EBF1: variants seen among roughly 807,000 people sequenced by gnomAD.
The protein encoded by EBF1 is transcription factor COE1.
A neutral mutation model predicts 68.4 loss-of-function variants in EBF1; 10 were observed. The observed-to-expected ratio is 0.15, with a 90% CI of 0.09 to 0.25. EBF1 has a LOEUF of 0.25. EBF1 is among the 10% of genes least tolerant of loss of function. The pLI is 1.00. For synonymous variants in EBF1, 298 were observed against 299.8 expected, an observed-to-expected ratio of 0.99 and a Z score of 0.06; for missense variants, 509 against 794.4, an observed-to-expected ratio of 0.64 and a Z score of 4.32.
At chr5:158,735,799 C>T (rs1289240054) in intron 10 of EBF1, among the ~76,000 whole-genome samples, 1 of 152,176 alleles carries the variant, frequency 6.6e-6, no homozygotes, top group African/African-American at 2.4e-5. Flanking sequence ...TCTCAGAGTC[C>T]CCTAAAGGAA....
chr5:158,949,358 G>C (rs1056942830), intron 6 of EBF1, among the ~76,000 whole-genome samples: 3 of 152,160 alleles, frequency 2.0e-5, no homozygotes, highest in Admixed American at 6.5e-5. Context: ...GCAAGGTGCA[G>C]TGGCTCACAT....
At chr5:158,937,653 C>T (rs745929637) in intron 6 of EBF1, among the ~76,000 whole-genome samples, 1 of 152,162 alleles carries the variant, frequency 6.6e-6, no homozygotes, top group African/African-American at 2.4e-5. Flanking sequence ...GGGCTCTATT[C>T]GAGTGCGGAA....
At chr5:159,026,408 G>A (rs1258630420) in intron 6 of EBF1, among the ~76,000 whole-genome samples, 1 of 152,094 alleles carries the variant, frequency 6.6e-6, no homozygotes, top group African/African-American at 2.4e-5. Context: ...GACTACAGGA[G>A]AAGGAAGAGC....
intron 10 of EBF1, among the ~76,000 whole-genome samples, chr5:158,758,064 G>T (rs557717894): frequency 3.3e-5 from 5 of 152,146 alleles, no homozygotes; most frequent in Admixed American, 6.6e-5. Flanking sequence ...CATGTGCCAA[G>T]TACTTTACTC....
chr5:158,830,086 A>T (rs1787176421), intron 7 of EBF1, among the ~76,000 whole-genome samples: 1 of 152,196 alleles, frequency 6.6e-6, no homozygotes, highest in African/African-American at 2.4e-5. Flanking sequence ...AGAAAATGAT[A>T]AAAGGAGTCC....
intron 8 of EBF1, among the ~76,000 whole-genome samples, chr5:158,803,547 AT>A (rs1781014048): frequency 6.6e-6 from 1 of 151,974 alleles, no homozygotes; most frequent in African/African-American, 2.4e-5. Context: ...TTCTTTGTTT[AT>A]CCATTCTCCA....
chr5:158,741,932 A>G lies in EBF1; in HGVS notation c.1037-10775T>C, dbSNP rs190030860. 5.3e-5 allele frequency among the ~76,000 whole-genome samples: 8 copies of G among 152,306 alleles called. No individual in the cohort carries two copies. The East Asian group carries it at 9.6e-4, about 18-fold the overall frequency. ...TTAACCTATCCTTCACAACAACTCT[A>G]TAAGGAGGTACTATCATTATTCCCA... On this transcript the variant is annotated intron_variant, in intron 10 of 15. Transcript: ENST00000313708.
At chr5:158,933,369 C>T (rs1811316056) in intron 6 of EBF1, among the ~76,000 whole-genome samples, 1 of 152,178 alleles carries the variant, frequency 6.6e-6, no homozygotes, top group Non-Finnish European at 1.5e-5. Flanking sequence ...GAAAGAGGTG[C>T]ACAAAACAAG....
intron 6 of EBF1, among the ~76,000 whole-genome samples, chr5:158,949,270 G>A (rs980753826): frequency 2.6e-5 from 4 of 151,926 alleles, no homozygotes; most frequent in Admixed American, 1.3e-4. Context: ...TTTAATTTTC[G>A]AATTATCATA....
intron 6 of EBF1, among the ~76,000 whole-genome samples, chr5:158,938,653 C>A (rs573714618): frequency 2.3e-4 from 35 of 152,316 alleles, no homozygotes; most frequent in African/African-American, 8.2e-4. Flanking sequence ...CTTGCTGCAA[C>A]CTCACATGGC....
chr5:158,915,450 A>C (rs1430830796), intron 6 of EBF1, among the ~76,000 whole-genome samples: 2 of 152,278 alleles, frequency 1.3e-5, no homozygotes, highest in Non-Finnish European at 2.9e-5. Flanking sequence ...AATGCATCAC[A>C]GAAGTAGGAC....
intron 5 of EBF1, among the ~76,000 whole-genome samples, chr5:159,082,036 T>G (rs1417694388): frequency 7.2e-5 from 11 of 152,200 alleles, no homozygotes. Context: ...CAGTCCCTTA[T>G]CCAGCCCAGG....
chr5:158,879,637 C>G (rs1403147628), intron 6 of EBF1, among the ~76,000 whole-genome samples: 1 of 152,122 alleles, frequency 6.6e-6, no homozygotes, highest in Non-Finnish European at 1.5e-5. Context: ...CATGTCAGCA[C>G]ACCAACATGG....
At chr5:158,931,294 T>C (rs1810838620) in intron 6 of EBF1, among the ~76,000 whole-genome samples, 1 of 152,210 alleles carries the variant, frequency 6.6e-6, no homozygotes, top group South Asian at 2.1e-4. Flanking sequence ...CACACTTATT[T>C]ACTGACTACC....
At chr5:158,876,413 T>C (rs960457801) in intron 6 of EBF1, among the ~76,000 whole-genome samples, 6 of 152,164 alleles carry the variant, frequency 3.9e-5, no homozygotes, top group Admixed American at 1.3e-4. Flanking sequence ...AATTCTCTAT[T>C]TGAGTCTTGG....
intron 6 of EBF1, among the ~76,000 whole-genome samples, chr5:158,877,949 T>G (rs1392966907): frequency 6.6e-6 from 1 of 151,920 alleles, no homozygotes; most frequent in Non-Finnish European, 1.5e-5. Flanking sequence ...TGCCAACTCC[T>G]GAGTCACAAT....
chr5:158,988,418 G>A (rs1759575173), intron 6 of EBF1, among the ~76,000 whole-genome samples: 1 of 152,120 alleles, frequency 6.6e-6, no homozygotes, highest in Non-Finnish European at 1.5e-5. Context: ...GCAGCATCCT[G>A]AGCGACTACA....
At chr5:159,006,265 C>T (rs1763520097) in intron 6 of EBF1, among the ~76,000 whole-genome samples, 1 of 152,046 alleles carries the variant, frequency 6.6e-6, no homozygotes, top group South Asian at 2.1e-4. Flanking sequence ...AAAAGGAAGG[C>T]CAGCTCTTTG....
intron 6 of EBF1, among the ~76,000 whole-genome samples, chr5:158,977,774 G>T (rs1212645720): frequency 1.3e-5 from 2 of 152,126 alleles, no homozygotes; most frequent in African/African-American, 2.4e-5. Context: ...CCTCCCAGTG[G>T]GCTGCCTGGG....
Sources: gnomAD v4.1 joint callset for allele counts (sites outside exome capture counted in the v4.1 genomes callset) on GRCh38, gnomAD v4.1.1 for gene constraint, MANE v1.5 for transcripts, NCBI Gene and HGNC (gene_info 2026-07-23, HGNC 2026-07-21) for gene names.